Variants in ALPK3 observed in about 807,000 individuals in gnomAD.
ALPK3 encodes the protein alpha-protein kinase 3.
In ALPK3, 102 loss-of-function variants were observed where a neutral mutation model predicts 140.0. The ratio of observed to expected loss-of-function variants is 0.73; its 90% CI spans 0.62 to 0.86. The LOEUF is 0.86. ALPK3 is among the 40% of genes least tolerant of loss of function. The pLI, the probability that ALPK3 is intolerant of heterozygous loss-of-function variation, is 0.00. For synonymous variants in ALPK3, 938 were observed against 898.5 expected (o/e 1.04, Z -0.79); for missense variants, 2,254 against 2,208.2 (o/e 1.02, Z -0.42).
chr15:84,849,447 A>G (rs1423254181), intron 5 of ALPK3, among the ~76,000 whole-genome samples: 1 of 152,230 alleles, frequency 6.6e-6, no homozygotes, highest in African/African-American at 2.4e-5. Flanking sequence ...ACTCTGTGTA[A>G]CAACAGAATA....
chr15:84,862,893 GA>G lies in ALPK3; in HGVS notation c.4391del (p.Asn1464ThrfsTer14), dbSNP rs1450218521. ...GPSSETSLVG[R>X]NYDVTIQGCK... ...AGCAGTGAGACTTCTCTTGTGGGCA[GA>G]AACTACGACGTCACCATCCAGGTAC... is the stretch of plus-strand genomic sequence containing the variant. On this transcript the variant is annotated frameshift_variant, in exon 10 of 14. Transcript: ENST00000258888. LOFTEE classifies it high-confidence loss of function. 8.1e-6 allele frequency: 13 copies of G among 1,613,858 alleles called. No homozygotes were observed. The highest frequency in any genetic ancestry group is 1.1e-5 in the Non-Finnish European group (13 of 1,179,906).
intron 5 of ALPK3, among the ~76,000 whole-genome samples, chr15:84,844,708 T>C (rs1396083680): frequency 6.6e-6 from 1 of 152,058 alleles, no homozygotes; most frequent in African/African-American, 2.4e-5. Context: ...AATACAAAAC[T>C]TAGCTGGGTG....
At chr15:84,837,779 C>T (rs747266513) in intron 3 of ALPK3, among the ~76,000 whole-genome samples, 9 of 152,220 alleles carry the variant, frequency 5.9e-5, no homozygotes, top group Non-Finnish European at 1.0e-4. Flanking sequence ...TGTCTTCCAC[C>T]TCTTATTCAA....
chr15:84,823,472 T>G (rs1224506838), intron 2 of ALPK3, 104 bp downstream of exon 2: 2 of 1,333,208 alleles, frequency 1.5e-6, no homozygotes, highest in Non-Finnish European at 2.1e-6. Flanking sequence ...CTGCATGGGG[T>G]GAGGGGAGAG....
In ALPK3 at chr15:84,862,814, G is replaced by C; in HGVS notation, c.4309G>C (p.Glu1437Gln). Reference sequence around the variant, plus strand: ...CATCTACGGGCTGGAACCCATCTTCGAGTCGGGCCGCACGTGCATCATCAA... The same window carrying C: ...CATCTACGGGCTGGAACCCATCTTCCAGTCGGGCCGCACGTGCATCATCAA... Reference protein sequence around the residue: ...KVIYGLEPIFESGRTCIIKVS... With the variant: ...KVIYGLEPIFQSGRTCIIKVS... Residue 1437 changes from glutamate (E) to glutamine (Q), a missense_variant, in exon 10 of 14, where the codon GAG (glutamate) becomes CAG (glutamine). Physicochemically the swap from Glu to Gln is conservative, Grantham distance 29. Around this residue, in one of 3 missense-constraint regions of ALPK3, gnomAD observed 2,088 missense variants for 2,022.9 expected, o/e 1.03. Coordinates refer to ENST00000258888, the MANE Select transcript of ALPK3 (RefSeq NM_020778.5). The C allele has an allele frequency of 6.2e-7, 1 of 1,614,126 alleles. No homozygotes were observed. The highest frequency in any genetic ancestry group is 8.5e-7 in the Non-Finnish European group (1 of 1,180,036).
chr15:84,835,237 C>T (rs967192097), intron 3 of ALPK3, among the ~76,000 whole-genome samples: 14 of 152,200 alleles, frequency 9.2e-5, no homozygotes, highest in Admixed American at 1.3e-4. Flanking sequence ...TGGTCACACA[C>T]ACAGTGATGT....
chr15:84,862,548 G>A, intron 9 of ALPK3, 87 bp from the exon 10 acceptor site: 2 of 1,480,398 alleles, frequency 1.4e-6, no homozygotes, highest in Non-Finnish European at 9.1e-7. Flanking sequence ...AGGGTGGGAG[G>A]CTCTTCTGGC....
At chr15:84,849,448 C>T (rs1963775860) in intron 5 of ALPK3, among the ~76,000 whole-genome samples, 1 of 152,142 alleles carries the variant, frequency 6.6e-6, no homozygotes, top group East Asian at 1.9e-4. Context: ...CTCTGTGTAA[C>T]AACAGAATAC....
At position 84,840,123 on chromosome 15, in the gene ALPK3, C is replaced by G. The variant is rs764493873; in HGVS notation, c.844C>G (p.Pro282Ala). The G allele has an allele frequency of 4.3e-6, 7 of 1,613,730 alleles. No homozygotes were observed. In the Admixed American group the frequency reaches 6.7e-5, roughly 15 times the overall value. Residue 282 changes from proline (P) to alanine (A), a missense_variant, in exon 5 of 14, where the codon CCC becomes GCC. Physicochemically the swap from Pro to Ala is conservative, Grantham distance 27. Transcript: ENST00000258888. Reference sequence around the variant, plus strand: ...AGTGACCACCAACGGGGAGGCTGCCCCCGAGAATGGAGAGGACGGAGAGCA... The same window carrying G: ...AGTGACCACCAACGGGGAGGCTGCCGCCGAGAATGGAGAGGACGGAGAGCA... The part of the protein sequence containing the change: ...GEVTTNGEAA[P>A]ENGEDGEHGL...
chr15:84,855,535 G>A (rs544061324), intron 5 of ALPK3, among the ~76,000 whole-genome samples: 1 of 152,144 alleles, frequency 6.6e-6, no homozygotes, highest in South Asian at 2.1e-4. Context: ...ACTGTTGTAC[G>A]CCACCATGTT....
chr15:84,863,822 C>T (rs536923355), intron 11 of ALPK3, among the ~76,000 whole-genome samples, 182 bp downstream of exon 11: 2 of 152,240 alleles, frequency 1.3e-5, no homozygotes, highest in Non-Finnish European at 2.9e-5. Context: ...CATTTACTCT[C>T]CACTTGAGAA....
chr15:84,866,181 C>A (rs1156326978), intron 12 of ALPK3, among the ~76,000 whole-genome samples: 2 of 152,092 alleles, frequency 1.3e-5, no homozygotes, highest in African/African-American at 2.4e-5. Context: ...AAATTCTGTG[C>A]AAATGAGAGA....
Position 84,868,135 on chromosome 15 carries a change from C to T in ALPK3, c.4797C>T (p.Cys1599=), listed in dbSNP as rs988269646. 2 of 1,611,588 alleles carry T rather than the reference C, an allele frequency of 1.2e-6. No individual in the cohort carries two copies. Among genetic ancestry groups the T allele is most frequent in the Admixed American group, 3.3e-5 (2 of 59,896 alleles). The change falls in exon 14 of 14, where the codon TGC becomes TGT. Residue 1599 remains cysteine (C), a synonymous_variant. Coordinates refer to ENST00000258888, the MANE Select transcript of ALPK3 (RefSeq NM_020778.5). ...LRGYQGLKES[C]FPALLDRFAS... is the part of the protein sequence containing the mutation. ...GATACCAGGGCCTCAAGGAAAGCTGCTTCCCTGCCCTGCTGGACCGGTTCG... is the reference window on the plus strand; with the variant it reads ...GATACCAGGGCCTCAAGGAAAGCTGTTTCCCTGCCCTGCTGGACCGGTTCG...
chr15:84,841,971 A>G (rs73437951), intron 5 of ALPK3, among the ~76,000 whole-genome samples: 25,321 of 152,210 alleles, frequency 0.17, 2,273 homozygotes, highest in South Asian at 0.26. Context: ...TGAGACAAAT[A>G]CTGGTTATTT....
At chr15:84,819,283 G>A (rs1471082255) in intron 1 of ALPK3, among the ~76,000 whole-genome samples, 4 of 152,214 alleles carry the variant, frequency 2.6e-5, no homozygotes, top group Non-Finnish European at 5.9e-5. Context: ...GTTCTTAAAA[G>A]GAGTCTCTTT....
At chr15:84,862,952 C>T in intron 10 of ALPK3, 37 bp downstream of exon 10, 1 of 1,590,434 alleles carries the variant, frequency 6.3e-7, no homozygotes, top group Non-Finnish European at 8.6e-7. Flanking sequence ...TTCTTTTATT[C>T]TCTCACCCCC....
chr15:84,857,193 C>T lies in ALPK3; in HGVS notation c.2455C>T (p.Arg819Ter), dbSNP rs1186665805. ...SVEQVGGERC[R>*]GPQSSGPVEA... ...GGAGCAGGTGGGAGGAGAGAGATGCCGAGGGCCACAGTCATCAGGCCCAGT... is the reference window on the plus strand; with the variant it reads ...GGAGCAGGTGGGAGGAGAGAGATGCTGAGGGCCACAGTCATCAGGCCCAGT... The change falls in exon 6 of 14, where the codon CGA becomes TGA. Residue 819 changes from arginine (R) to a stop codon, truncating the protein, a stop_gained. Coordinates refer to ENST00000258888, the MANE Select transcript of ALPK3 (RefSeq NM_020778.5). LOFTEE classifies it high-confidence loss of function. The T allele has an allele frequency of 8.1e-6, 13 of 1,613,606 alleles. No homozygotes were observed. Among genetic ancestry groups the T allele is most frequent in the African/African-American group, 4.0e-5 (3 of 74,774 alleles).
chr15:84,848,060 T>TC (rs1841845797), intron 5 of ALPK3, among the ~76,000 whole-genome samples: 1 of 101,736 alleles, frequency 9.8e-6, no homozygotes, highest in African/African-American at 4.2e-5. Flanking sequence ...AGACTTGATC[T>TC]CAAAAAAAAA....
chr15:84,865,899 C>T (rs1273474262), intron 12 of ALPK3, among the ~76,000 whole-genome samples: 1 of 152,168 alleles, frequency 6.6e-6, no homozygotes, highest in Non-Finnish European at 1.5e-5. Context: ...CAAGATTGCA[C>T]TACTGCACTC....
Sources: gnomAD v4.1 joint callset for allele counts (sites outside exome capture counted in the v4.1 genomes callset) on GRCh38, gnomAD v4.1.1 for gene constraint, gnomAD v4.1.1 regional missense constraint, MANE v1.5 for transcripts, NCBI Gene and HGNC (gene_info 2026-07-23, HGNC 2026-07-21) for gene names.